Variants in RASSF2 observed in about 807,000 individuals in gnomAD.
The protein encoded by RASSF2 is ras association domain-containing protein 2.
In RASSF2, 34 loss-of-function variants were observed where a neutral mutation model predicts 46.3. The observed-to-expected ratio is 0.73, with a 90% CI of 0.56 to 0.98. RASSF2 has a LOEUF of 0.98. Ranked by LOEUF, RASSF2 falls within the 50% of genes least tolerant of loss-of-function variation. RASSF2 has a pLI of 0.00. For missense variants in RASSF2, 364 were observed against 431.2 expected, an observed-to-expected ratio of 0.84 and a Z score of 1.38; for synonymous variants, 158 against 162.5, an observed-to-expected ratio of 0.97 and a Z score of 0.21.
Position 4,786,518 on chromosome 20 carries a change from G to C in RASSF2, c.814-190C>G, listed in dbSNP as rs115258053. ...GGAAGGAGTCTGCGATGATCGCTTC[G>C]CTTACGTGACACCATCTCATAACTT... On this transcript the variant is annotated intron_variant, in intron 10 of 11. Coordinates refer to ENST00000379400, the MANE Select transcript of RASSF2 (RefSeq NM_014737.3). 3.7e-3 allele frequency among the ~76,000 whole-genome samples: 567 copies of C among 152,252 alleles called. 4 individuals carry two copies. The highest frequency in any genetic ancestry group is 0.013 in the African/African-American group (545 of 41,522).
rs1463963079 is a variant in RASSF2, at chr20:4,789,416, A to C, written c.639+180T>G. Among the ~76,000 whole-genome samples, 7 of 152,300 alleles carry C rather than the reference A, an allele frequency of 4.6e-5. No individual in the cohort carries two copies. The Middle Eastern group carries it at 0.01, about 222-fold the overall frequency. ...GAATCTGAATTTCTAACAAGCACCCAGGTGATGCTGATGCTGATTCTGTGG... is the reference window on the plus strand; with the variant it reads ...GAATCTGAATTTCTAACAAGCACCCCGGTGATGCTGATGCTGATTCTGTGG... On this transcript the variant is annotated intron_variant, in intron 8 of 11. Coordinates refer to ENST00000379400, the MANE Select transcript of RASSF2 (RefSeq NM_014737.3).
intron 5 of RASSF2, among the ~76,000 whole-genome samples, chr20:4,793,575 T>C (rs935653690): frequency 1.3e-5 from 2 of 152,172 alleles, no homozygotes; most frequent in Admixed American, 1.3e-4. Flanking sequence ...GAGCAGCGAC[T>C]CCCACTCCCT....
intron 2 of RASSF2, among the ~76,000 whole-genome samples, chr20:4,811,479 G>A (rs1927806710): frequency 6.6e-6 from 1 of 152,184 alleles, no homozygotes; most frequent in South Asian, 2.1e-4. Context: ...TGTACATCCA[G>A]GGCTGAGCGC....
chr20:4,807,963 A>G (rs750073383), intron 2 of RASSF2, among the ~76,000 whole-genome samples: 2 of 152,212 alleles, frequency 1.3e-5, no homozygotes, highest in Admixed American at 1.3e-4. Context: ...ACTAAGCTAC[A>G]TTCACATCCA....
chr20:4,795,870 G>A lies in RASSF2; in HGVS notation c.232C>T (p.Arg78Ter), dbSNP rs766917897. The change falls in exon 5 of 12, where the codon CGA becomes TGA. Residue 78 changes from arginine to a stop codon, truncating the protein, a stop_gained. Transcript: ENST00000379400. LOFTEE classifies it high-confidence loss of function. The surrounding 1 kb of genome is among the most constrained non-coding windows in gnomAD (Gnocchi z 4.0). ...CAGGAGGAGGAGGATGGAGGGGGTC[G>A]AATGCGTTCGTTGTCATCCTGCATC... ...LQMQDDNERI[R>*]PPPSSSSWHS... The A allele has an allele frequency of 3.2e-5, 52 of 1,610,144 alleles. No homozygotes were observed. The highest frequency in any genetic ancestry group is 3.8e-5 in the Non-Finnish European group (45 of 1,177,822).
intron 8 of RASSF2, among the ~76,000 whole-genome samples, chr20:4,789,304 C>T (rs982223306): frequency 6.6e-6 from 1 of 152,128 alleles, no homozygotes; most frequent in Non-Finnish European, 1.5e-5. Context: ...CTTCGGTAGG[C>T]ATCCAAATCC....
At position 4,790,563 on chromosome 20, in the gene RASSF2, C is replaced by A; in HGVS notation, c.425G>T (p.Arg142Leu). 2 of 1,537,876 alleles carry A rather than the reference C, an allele frequency of 1.3e-6. No individual in the cohort carries two copies. The highest frequency in any genetic ancestry group is 8.7e-7 in the Non-Finnish European group (1 of 1,150,626). The change falls in exon 7 of 12, where the codon CGC (arginine) becomes CTC (leucine). Residue 142 changes from arginine (R) to leucine (L), a missense_variant. By Grantham distance (102) the Arg-to-Leu change is moderately radical. Transcript: ENST00000379400. This position sits in a 1 kb window ranked among gnomAD's most constrained non-coding sequence, Gnocchi z 4.3. ...PLQEDTPQLM[R>L]TRSDVGVRRR... ...ACGCACCCCAACATCACTGCGTGTG[C>A]GCATCAGCTGTGGGGTGTCCTCCTG... is the stretch of plus-strand genomic sequence containing the variant.
At chr20:4,801,850 T>C (rs1027383957) in intron 2 of RASSF2, among the ~76,000 whole-genome samples, 4 of 151,998 alleles carry the variant, frequency 2.6e-5, no homozygotes, top group Admixed American at 2.0e-4. Flanking sequence ...GTGATTCTCT[T>C]GCCTCAGCTT....
Position 4,790,637 on chromosome 20 carries a change from C to CT in RASSF2, c.377-27dup. 2 of 1,510,052 alleles carry CT rather than the reference C, an allele frequency of 1.3e-6. No homozygotes were observed. Among genetic ancestry groups the CT allele is most frequent in the Non-Finnish European group, 1.8e-6 (2 of 1,141,384 alleles). 93.5% of individuals were successfully genotyped at this position (1,510,052 alleles called of 1,614,324 possible). ...CTGAGAGAGGAGAGGGAAATGAACT[C>CT]TGTCTGTCTGGACCTGGGACATGGC... On this transcript the variant is annotated intron_variant, in intron 6 of 11. Coordinates refer to ENST00000379400, the MANE Select transcript of RASSF2 (RefSeq NM_014737.3). The surrounding 1 kb of genome is among the most constrained non-coding windows in gnomAD (Gnocchi z 4.3).
chr20:4,804,353 C>CTTT (rs10659167), intron 2 of RASSF2, among the ~76,000 whole-genome samples: 5,422 of 118,656 alleles, frequency 0.046, 523 homozygotes, highest in African/African-American at 0.16. Context: ...AGAAAGCTTT[C>CTTT]TTTTTTTTTT....
At chr20:4,808,109 A>G (rs2122614235) in intron 2 of RASSF2, among the ~76,000 whole-genome samples, 1 of 152,338 alleles carries the variant, frequency 6.6e-6, no homozygotes, top group East Asian at 1.9e-4. Context: ...ATGTGGATTC[A>G]ATTGGATTCA....
At chr20:4,823,101 G>A (rs1206425680) in intron 1 of RASSF2, among the ~76,000 whole-genome samples, 1 of 152,210 alleles carries the variant, frequency 6.6e-6, no homozygotes. Context: ...GGGTCCGCGC[G>A]CCCCGGGAGC....
chr20:4,799,232 C>T (rs974111726), intron 3 of RASSF2, among the ~76,000 whole-genome samples: 1 of 152,196 alleles, frequency 6.6e-6, no homozygotes, highest in Non-Finnish European at 1.5e-5. Context: ...TCCTTAGCCA[C>T]CAAGTTTTCC....
chr20:4,801,578 A>AG (rs1400315349), intron 2 of RASSF2, among the ~76,000 whole-genome samples: 3 of 152,212 alleles, frequency 2.0e-5, no homozygotes, highest in Non-Finnish European at 4.4e-5. Context: ...ACAAAAACAC[A>AG]GGTAACAAAA....
chr20:4,821,595 C>G (rs1022039750), intron 2 of RASSF2, among the ~76,000 whole-genome samples: 2 of 152,156 alleles, frequency 1.3e-5, no homozygotes, highest in African/African-American at 4.8e-5. Context: ...CATATGTCTC[C>G]CTGATATTCC....
At chr20:4,789,843 T>C (rs1925714730) in intron 7 of RASSF2, 146 bp from the exon 8 acceptor site, 5 of 661,232 alleles carry the variant, frequency 7.6e-6, no homozygotes, top group South Asian at 5.5e-5. Context: ...GCAGGCTTTG[T>C]AGACAAAGCA....
At position 4,790,294 on chromosome 20, in the gene RASSF2, C is replaced by T. The variant is rs1234684672; in HGVS notation, c.537+157G>A. ...TGGGGTCCCTCAGCCCTCAGGAAGCCAGCAGGGCTTGCAGCCCACCCACAA... is the reference window on the plus strand; with the variant it reads ...TGGGGTCCCTCAGCCCTCAGGAAGCTAGCAGGGCTTGCAGCCCACCCACAA... On this transcript the variant is annotated intron_variant, in intron 7 of 11. Coordinates refer to ENST00000379400, the MANE Select transcript of RASSF2 (RefSeq NM_014737.3). This position sits in a 1 kb window ranked among gnomAD's most constrained non-coding sequence, Gnocchi z 4.3. Among the ~76,000 whole-genome samples, 2 of 152,168 alleles carry T rather than the reference C, an allele frequency of 1.3e-5. No homozygotes were observed. Among genetic ancestry groups the T allele is most frequent in the Admixed American group, 1.3e-4 (2 of 15,284 alleles).
rs571095747 is a variant in RASSF2, at chr20:4,785,662, C to T, written c.911+569G>A. Among the ~76,000 whole-genome samples, 4 of 152,272 alleles carry T rather than the reference C, an allele frequency of 2.6e-5. No individual in the cohort carries two copies. In the East Asian group the frequency reaches 5.8e-4, roughly 22 times the overall value. On this transcript the variant is annotated intron_variant, in intron 11 of 11. Transcript: ENST00000379400. Reference sequence around the variant, plus strand: ...AGGCCAGTAGCTCAGGCTACATCCACGGCTAAGACAGCCTTCCTGAAATCC... The same window carrying T: ...AGGCCAGTAGCTCAGGCTACATCCATGGCTAAGACAGCCTTCCTGAAATCC...
At chr20:4,823,175 G>T (rs1245153346) in intron 1 of RASSF2, among the ~76,000 whole-genome samples, 1 of 152,086 alleles carries the variant, frequency 6.6e-6, no homozygotes, top group Non-Finnish European at 1.5e-5. Flanking sequence ...TGACCCAGCC[G>T]GGGTAGGGAC....
Sources: allele counts gnomAD v4.1 joint callset (sites outside exome capture counted in the v4.1 genomes callset), GRCh38; gene constraint gnomAD v4.1.1; non-coding constraint Gnocchi (gnomAD v3.1); transcripts MANE v1.5; gene names NCBI Gene and HGNC (gene_info 2026-07-23, HGNC 2026-07-21).